KIAA1217: variants seen among roughly 807,000 people sequenced by gnomAD.
KIAA1217 encodes the protein KIAA1217, also known as sickle tail protein homolog.
A neutral mutation model predicts 163.9 loss-of-function variants in KIAA1217; 88 were observed. The ratio of observed to expected loss-of-function variants is 0.54; its 90% CI spans 0.45 to 0.64. The LOEUF is 0.64. Among genes scored for constraint, KIAA1217 ranks in the 30% least tolerant of loss-of-function variants. The probability of loss-of-function intolerance (pLI) is 0.00; values close to 1 mark genes in which losing one functional copy is unlikely to be tolerated. For synonymous variants in KIAA1217, 903 were observed against 923.1 expected (o/e 0.98, Z 0.39); for missense variants, 2,372 against 2,475.0 (o/e 0.96, Z 0.88).
intron 2 of KIAA1217, among the ~76,000 whole-genome samples, chr10:24,313,036 C>T (rs79183448): frequency 0.039 from 5,989 of 152,206 alleles, 222 homozygotes; most frequent in East Asian, 0.1. Context: ...TTTAAGAATA[C>T]ACTACTATTA....
chr10:23,880,207 T>G (rs1334089738), intron 1 of KIAA1217, among the ~76,000 whole-genome samples: 1 of 151,778 alleles, frequency 6.6e-6, no homozygotes, highest in Non-Finnish European at 1.5e-5. Flanking sequence ...TATGTGTCCA[T>G]CAACAGGGGA....
chr10:24,210,940 A>AT (rs56978789), intron 1 of KIAA1217, among the ~76,000 whole-genome samples: 40,092 of 147,506 alleles, frequency 0.27, 5,652 homozygotes, highest in South Asian at 0.44. Flanking sequence ...TAAACGGTGA[A>AT]TTTTTTTTTT....
chr10:23,962,094 C>A (rs1209436354), intron 1 of KIAA1217, among the ~76,000 whole-genome samples: 1 of 152,172 alleles, frequency 6.6e-6, no homozygotes, highest in African/African-American at 2.4e-5. Flanking sequence ...CAATTTAACC[C>A]ATTACAAATG....
intron 1 of KIAA1217, among the ~76,000 whole-genome samples, chr10:23,886,036 T>TA (rs1234212770): frequency 6.6e-6 from 1 of 151,908 alleles, no homozygotes. Flanking sequence ...GAAACGTACT[T>TA]ACGCGTATTT....
At chr10:23,789,520 G>GATGATA (rs1365893382) in intron 1 of KIAA1217, among the ~76,000 whole-genome samples, 1 of 152,070 alleles carries the variant, frequency 6.6e-6, no homozygotes, top group Non-Finnish European at 1.5e-5. Flanking sequence ...TGCACAATGG[G>GATGATA]ATGATAATGG....
chr10:24,092,080 C>T (rs2061958079), intron 2 of KIAA1217, among the ~76,000 whole-genome samples: 1 of 151,862 alleles, frequency 6.6e-6, no homozygotes, highest in South Asian at 2.1e-4. Flanking sequence ...CCTTCTCTTT[C>T]CCTTATCTCC....
At chr10:23,922,485 C>A (rs1184820197) in intron 1 of KIAA1217, among the ~76,000 whole-genome samples, 1 of 152,102 alleles carries the variant, frequency 6.6e-6, no homozygotes, top group Non-Finnish European at 1.5e-5. Flanking sequence ...GACATGGGGA[C>A]CCTCTCTTTG....
chr10:24,154,884 G>A (rs141608798), intron 2 of KIAA1217, among the ~76,000 whole-genome samples: 14 of 148,100 alleles, frequency 9.5e-5, no homozygotes, highest in South Asian at 2.1e-4. Context: ...CCAAGATTTC[G>A]CCACTGCACT....
At chr10:24,078,622 A>G (rs1022052763) in intron 2 of KIAA1217, among the ~76,000 whole-genome samples, 1 of 152,182 alleles carries the variant, frequency 6.6e-6, no homozygotes, top group Non-Finnish European at 1.5e-5. Context: ...CTTCTCTTAT[A>G]CAATGAAGGG....
intron 3 of KIAA1217, among the ~76,000 whole-genome samples, chr10:24,431,475 T>TG (rs1400849508): frequency 6.6e-6 from 1 of 152,150 alleles, no homozygotes; most frequent in Admixed American, 6.5e-5. Context: ...TGGCATCAGC[T>TG]GGGGTAGCTC....
chr10:23,865,681 T>A (rs1241759238), intron 1 of KIAA1217, among the ~76,000 whole-genome samples: 1 of 152,158 alleles, frequency 6.6e-6, no homozygotes, highest in East Asian at 1.9e-4. Context: ...AACGTTTAAA[T>A]CTTAATTTAG....
intron 2 of KIAA1217, among the ~76,000 whole-genome samples, chr10:24,144,600 C>T (rs1171184433): frequency 2.6e-5 from 4 of 152,116 alleles, no homozygotes; most frequent in Non-Finnish European, 4.4e-5. Flanking sequence ...TAAGGACCAC[C>T]GGCTTGAAGC....
intron 2 of KIAA1217, among the ~76,000 whole-genome samples, chr10:24,279,925 T>G (rs1564395888): frequency 6.6e-6 from 1 of 152,220 alleles, no homozygotes; most frequent in Non-Finnish European, 1.5e-5. Context: ...TGTTTGATTT[T>G]CTTAAAAACC....
In KIAA1217 at chr10:24,487,205, G is replaced by A. The variant is rs558900040; in HGVS notation, c.1680-7295G>A. ...ACCTATTATAAGAACTTGTTCTTCCGCAGCCTATTGCTCCGTCTCCACCAT... is the reference window on the plus strand; with the variant it reads ...ACCTATTATAAGAACTTGTTCTTCCACAGCCTATTGCTCCGTCTCCACCAT... On this transcript the variant is annotated intron_variant, in intron 6 of 20. Transcript: ENST00000376454. Among the ~76,000 whole-genome samples, 204 of 152,198 alleles carry A rather than the reference G, an allele frequency of 1.3e-3. 4 individuals carry two copies. The South Asian group carries it at 0.04, about 30-fold the overall frequency.
chr10:23,898,571 T>C (rs1446461293), intron 1 of KIAA1217, among the ~76,000 whole-genome samples: 1 of 152,116 alleles, frequency 6.6e-6, no homozygotes, highest in African/African-American at 2.4e-5. Flanking sequence ...AACTTTCTTC[T>C]TAAAATTTTT....
At chr10:24,385,678 C>T (rs2053908357) in intron 3 of KIAA1217, among the ~76,000 whole-genome samples, 1 of 152,286 alleles carries the variant, frequency 6.6e-6, no homozygotes, top group Admixed American at 6.5e-5. Flanking sequence ...GGTTCCCTGC[C>T]CTTTCCTCTC....
intron 5 of KIAA1217, among the ~76,000 whole-genome samples, chr10:24,467,484 A>G (rs569190186): frequency 6.6e-6 from 1 of 152,366 alleles, no homozygotes; most frequent in East Asian, 1.9e-4. Flanking sequence ...AGTGCAGTTG[A>G]ATGAACATTT....
At chr10:24,117,052 G>T (rs111338558) in intron 2 of KIAA1217, among the ~76,000 whole-genome samples, 3 of 150,866 alleles carry the variant, frequency 2.0e-5, no homozygotes, top group Admixed American at 6.6e-5. Context: ...TTTTGGGTGG[G>T]GGGGGATGGA....
chr10:24,529,411 T>G (rs144121926), intron 14 of KIAA1217, among the ~76,000 whole-genome samples: 2 of 152,300 alleles, frequency 1.3e-5, no homozygotes, highest in South Asian at 2.1e-4. Context: ...TGCCTACACA[T>G]TACTTCATTT....
Sources: gnomAD v4.1 joint callset for allele counts (sites outside exome capture counted in the v4.1 genomes callset) on GRCh38, gnomAD v4.1.1 for gene constraint, MANE v1.5 for transcripts, NCBI Gene and HGNC (gene_info 2026-07-23, HGNC 2026-07-21) for gene names.